The following RAB3GAP2 variants were observed in gnomAD, a reference collection of about 807,000 sequenced individuals.
RAB3GAP2 encodes RAB3 GTPase activating non-catalytic protein subunit 2, also known as rab3 GTPase-activating protein non-catalytic subunit.
In RAB3GAP2, 87 loss-of-function variants were observed where a neutral mutation model predicts 185.3. The observed-to-expected ratio is 0.47, with a 90% CI of 0.39 to 0.56. The LOEUF is 0.56. Among genes scored for constraint, RAB3GAP2 ranks in the 20% least tolerant of loss-of-function variants. RAB3GAP2 has a pLI of 0.00. For missense variants in RAB3GAP2, 1,492 were observed against 1,638.2 expected, an observed-to-expected ratio of 0.91 and a Z score of 1.54; for synonymous variants, 554 against 576.1, an observed-to-expected ratio of 0.96 and a Z score of 0.55.
Position 220,202,118 on chromosome 1 carries a change from T to C in RAB3GAP2, c.811+158A>G, listed in dbSNP as rs149591659. 0.069 allele frequency among the ~76,000 whole-genome samples: 10,478 copies of C among 152,090 alleles called. 482 individuals are homozygous for C. The highest frequency in any genetic ancestry group is 0.12 in the South Asian group (598 of 4,810). ...AGGTGGAGGTTGCAGTGAGCTGAGA[T>C]CATGCCACTGCACTCCTGCCTGGGT... is the stretch of plus-strand genomic sequence containing the variant. On this transcript the variant is annotated intron_variant, in intron 9 of 34. Transcript: ENST00000358951.
chr1:220,215,068 G>A (rs912066566), intron 2 of RAB3GAP2, among the ~76,000 whole-genome samples: 1 of 149,618 alleles, frequency 6.7e-6, no homozygotes, highest in African/African-American at 2.5e-5. Flanking sequence ...TGTCTGCATA[G>A]TATTCCATTT....
chr1:220,149,560 A>G lies in RAB3GAP2; in HGVS notation c.*1691T>C, dbSNP rs1657703823. On this transcript the variant is annotated 3_prime_UTR_variant, in exon 35 of 35. Transcript: ENST00000358951. ...AGAACTAATCTCTTAGAAAACATAT[A>G]ACAAGTGACTGTTAACACAGAGCCA... 3.3e-5 allele frequency: 5 copies of G among 150,772 alleles called. No homozygotes were observed. In the South Asian group the frequency reaches 1.0e-3, roughly 32 times the overall value. 9.3% of individuals were successfully genotyped at this position (150,772 alleles called of 1,614,324 possible).
intron 31 of RAB3GAP2, among the ~76,000 whole-genome samples, chr1:220,155,107 C>G (rs1217816628): frequency 1.3e-5 from 2 of 152,184 alleles, no homozygotes; most frequent in African/African-American, 4.8e-5. Context: ...AGAGTAAAAA[C>G]AGAATATCAG....
chr1:220,271,935 G>T (rs1024831892), intron 1 of RAB3GAP2, among the ~76,000 whole-genome samples: 1 of 108,422 alleles, frequency 9.2e-6, no homozygotes, highest in African/African-American at 3.5e-5. Flanking sequence ...GGGGTGGGGG[G>T]AGGGAGGGAG....
intron 21 of RAB3GAP2, among the ~76,000 whole-genome samples, chr1:220,174,077 A>G (rs1658232625): frequency 6.6e-6 from 1 of 151,778 alleles, no homozygotes; most frequent in African/African-American, 2.4e-5. Flanking sequence ...TGTTTATCAG[A>G]TCTCAAATAA....
intron 2 of RAB3GAP2, among the ~76,000 whole-genome samples, chr1:220,227,745 TTTTG>T (rs1035472222): frequency 1.3e-5 from 2 of 152,154 alleles, no homozygotes; most frequent in Admixed American, 6.5e-5. Context: ...TATAATTGTT[TTTTG>T]TTTGTTTGTC....
chr1:220,167,779 A>G (rs966197841), intron 24 of RAB3GAP2, 104 bp from the exon 25 acceptor site: 25 of 1,232,036 alleles, frequency 2.0e-5, no homozygotes, highest in Non-Finnish European at 2.9e-5. Context: ...TGCCACATTC[A>G]TTTCTCAGCC....
Position 220,232,872 on chromosome 1 carries a change from A to G in RAB3GAP2, c.116-9T>C. The stretch of plus-strand genomic sequence containing the variant: ...CCAGTCTGTTGATTTACCTGTTTTT[A>G]AAAAGATGAACAATGCTTGCATGAA... On this transcript the variant is annotated splice_polypyrimidine_tract_variant and intron_variant, in intron 1 of 34. Transcript: ENST00000358951. 6.2e-7 allele frequency: 1 copy of G among 1,612,400 alleles called. No homozygotes were observed. The highest frequency in any genetic ancestry group is 8.5e-7 in the Non-Finnish European group (1 of 1,178,508).
intron 34 of RAB3GAP2, 73 bp from the exon 35 acceptor site, chr1:220,151,479 C>T: frequency 6.2e-7 from 1 of 1,604,680 alleles, no homozygotes; most frequent in Middle Eastern, 1.7e-4. Context: ...AGAGTTATTA[C>T]ATAAAAATGC....
At chr1:220,254,460 C>A in intron 1 of RAB3GAP2, 1 of 1,613,342 alleles carries the variant, frequency 6.2e-7, no homozygotes, top group Non-Finnish European at 8.5e-7. Context: ...TCCTAAAGTA[C>A]CTGGCAAAGA....
In RAB3GAP2 at chr1:220,165,015, C is replaced by T. The variant is rs569469784; in HGVS notation, c.3088-216G>A. On this transcript the variant is annotated intron_variant, in intron 26 of 34. Transcript: ENST00000358951. ...CAATAATTAATTCCCAGAAGCTCCTCGGTCATATGGGCTAACATCTGGATT... is the reference window on the plus strand; with the variant it reads ...CAATAATTAATTCCCAGAAGCTCCTTGGTCATATGGGCTAACATCTGGATT... 2.0e-4 allele frequency among the ~76,000 whole-genome samples: 31 copies of T among 151,972 alleles called. No individual in the cohort carries two copies. The East Asian group carries it at 2.5e-3, about 12-fold the overall frequency.
chr1:220,267,845 A>C (rs942685118), intron 1 of RAB3GAP2: 5 of 1,118,702 alleles, frequency 4.5e-6, no homozygotes, highest in Non-Finnish European at 5.5e-6. Context: ...TCACGAGAAC[A>C]TGTTCTGGAC....
chr1:220,201,177 G>T (rs1457232489), intron 9 of RAB3GAP2, among the ~76,000 whole-genome samples: 2 of 152,084 alleles, frequency 1.3e-5, no homozygotes, highest in Non-Finnish European at 2.9e-5. Context: ...GCTGCAAGAA[G>T]AAATCTGCTT....
intron 7 of RAB3GAP2, among the ~76,000 whole-genome samples, chr1:220,206,784 T>C (rs989804965): frequency 1.3e-5 from 2 of 152,240 alleles, no homozygotes; most frequent in Non-Finnish European, 2.9e-5. Context: ...GATCTTCTCC[T>C]CTCAGATCTT....
chr1:220,265,680 C>A (rs1180081059), intron 1 of RAB3GAP2, among the ~76,000 whole-genome samples: 1 of 152,062 alleles, frequency 6.6e-6, no homozygotes, highest in East Asian at 2.0e-4. Context: ...AATTCTAGCA[C>A]TTTGAGAGTC....
At chr1:220,223,191 C>T (rs1374481919) in intron 2 of RAB3GAP2, among the ~76,000 whole-genome samples, 1 of 152,124 alleles carries the variant, frequency 6.6e-6, no homozygotes, top group African/African-American at 2.4e-5. Flanking sequence ...GGACTATAGG[C>T]AGGCACATGT....
rs771630286 is a variant in RAB3GAP2, at chr1:220,210,426, T to C, written c.574A>G (p.Thr192Ala). The change falls in exon 7 of 35, where the codon ACC becomes GCC. Residue 192 changes from threonine (T) to alanine (A), a missense_variant. By Grantham distance (58) the Thr-to-Ala change is moderately conservative. Coordinates refer to ENST00000358951, the MANE Select transcript of RAB3GAP2 (RefSeq NM_012414.4). ...CCGGGATGTCGTGGTATTTCATAGG[T>C]TCTGCATTTAAGTTGAAGTACTGGG... Reference protein sequence around the residue: ...EDPVLQLKCRTYEIPRHPGVT... With the variant: ...EDPVLQLKCRAYEIPRHPGVT... 2.5e-5 allele frequency: 40 copies of C among 1,613,992 alleles called. No individual in the cohort carries two copies. Among genetic ancestry groups the C allele is most frequent in the Non-Finnish European group, 3.1e-5 (37 of 1,179,978 alleles).
rs540067618 is a variant in RAB3GAP2 at position 220,232,692 on chromosome 1, T to C, written c.180+107A>G. 76 of 1,043,404 alleles carry C rather than the reference T, an allele frequency of 7.3e-5. No homozygotes were observed. The African/African-American group carries it at 1.1e-3, about 16-fold the overall frequency. 64.6% of individuals were successfully genotyped at this position (1,043,404 alleles called of 1,614,324 possible). The stretch of plus-strand genomic sequence containing the variant: ...TACTAATAAGTAAGCACAAAAATAT[T>C]CTTGACATCGAATTTAAAATGTCAG... On this transcript the variant is annotated intron_variant, in intron 2 of 34. Coordinates refer to ENST00000358951, the MANE Select transcript of RAB3GAP2 (RefSeq NM_012414.4).
intron 1 of RAB3GAP2, among the ~76,000 whole-genome samples, chr1:220,271,758 C>A (rs1660336754): frequency 6.6e-6 from 1 of 151,618 alleles, no homozygotes; most frequent in African/African-American, 2.4e-5. Context: ...CCACAGTCTC[C>A]GGGATGGAAG....
Sources: allele counts gnomAD v4.1 joint callset (sites outside exome capture counted in the v4.1 genomes callset), GRCh38; gene constraint gnomAD v4.1.1; transcripts MANE v1.5; gene names NCBI Gene and HGNC (gene_info 2026-07-23, HGNC 2026-07-21).